LNPK: variants seen among roughly 807,000 people sequenced by gnomAD.
LNPK encodes lunapark, ER junction formation factor.
LNPK carries 29 observed loss-of-function variants against 55.2 expected under a neutral mutation model. The observed-to-expected ratio is 0.53, with a 90% confidence interval of 0.39 to 0.72. LNPK has a LOEUF of 0.72. LNPK is among the 30% of genes least tolerant of loss of function. The pLI is 0.00. For missense variants in LNPK, 467 were observed against 494.8 expected, an observed-to-expected ratio of 0.94 and a Z score of 0.53; for synonymous variants, 162 against 168.2, an observed-to-expected ratio of 0.96 and a Z score of 0.29.
At chr2:175,940,177 C>G (rs1320387943) in intron 9 of LNPK, among the ~76,000 whole-genome samples, 1 of 151,890 alleles carries the variant, frequency 6.6e-6, no homozygotes, top group African/African-American at 2.4e-5. Flanking sequence ...TACAACTGCC[C>G]CAGCTTATTG....
chr2:175,946,660 G>T (rs572589790), intron 9 of LNPK, among the ~76,000 whole-genome samples: 1 of 152,106 alleles, frequency 6.6e-6, no homozygotes, highest in South Asian at 2.1e-4. Flanking sequence ...ATCAGCTACT[G>T]CCTAGCCTCA....
chr2:175,998,116 G>A (rs1043370419), intron 1 of LNPK, among the ~76,000 whole-genome samples: 20 of 152,172 alleles, frequency 1.3e-4, no homozygotes, highest in African/African-American at 4.8e-4. Flanking sequence ...TCTAAGGCAA[G>A]AGAAGTGAAG....
intron 1 of LNPK, among the ~76,000 whole-genome samples, chr2:176,000,020 C>T (rs564363662): frequency 4.1e-4 from 63 of 152,286 alleles, no homozygotes; most frequent in Non-Finnish European, 7.5e-4. Context: ...CCTGCCTTGG[C>T]CTCCCAAAGT....
At chr2:175,951,501 G>C (rs551820444) in intron 8 of LNPK, among the ~76,000 whole-genome samples, 62 of 150,430 alleles carry the variant, frequency 4.1e-4, no homozygotes, top group Middle Eastern at 3.4e-3. Context: ...ACTTCACTTA[G>C]AGTAATAGTC....
chr2:175,987,850 A>T (rs568148879), intron 4 of LNPK, among the ~76,000 whole-genome samples: 1 of 152,322 alleles, frequency 6.6e-6, no homozygotes, highest in African/African-American at 2.4e-5. Flanking sequence ...AACTAAAAAA[A>T]TATGTGTCCT....
intron 8 of LNPK, among the ~76,000 whole-genome samples, chr2:175,949,995 T>A (rs1415804836): frequency 1.3e-5 from 2 of 152,064 alleles, no homozygotes; most frequent in Non-Finnish European, 2.9e-5. Context: ...AACAAAATAG[T>A]CATATTAGAT....
chr2:175,928,655 A>G lies in LNPK; in HGVS notation c.*1312T>C, dbSNP rs1315049786. The G allele has an allele frequency of 6.6e-6, 1 of 152,158 alleles. No homozygotes were observed. The highest frequency in any genetic ancestry group is 2.4e-5 in the African/African-American group (1 of 41,440). 9.4% of individuals were successfully genotyped at this position (152,158 alleles called of 1,614,324 possible). A position where few individuals can be genotyped will look rare whatever the true frequency, so the allele number is the denominator to read the frequency against. On this transcript the variant is annotated 3_prime_UTR_variant, in exon 13 of 13. Coordinates refer to ENST00000272748, the MANE Select transcript of LNPK (RefSeq NM_030650.3). ...CCAAACACACCATTCTTATACAGGT[A>G]TATTTTTCCCTTCAGCATAATAATT...
chr2:175,973,815 G>A (rs1014876406), intron 5 of LNPK, among the ~76,000 whole-genome samples: 1 of 152,174 alleles, frequency 6.6e-6, no homozygotes, highest in African/African-American at 2.4e-5. Context: ...GACTACTCAT[G>A]TTTGTTTTTC....
At chr2:175,991,198 G>C (rs1687684244) in intron 4 of LNPK, among the ~76,000 whole-genome samples, 1 of 151,982 alleles carries the variant, frequency 6.6e-6, no homozygotes, top group Non-Finnish European at 1.5e-5. Context: ...GTATTTAAAA[G>C]TGCTTAAATT....
In LNPK at chr2:176,002,237, A is replaced by G. The variant is rs1159621686; in HGVS notation, c.-140T>C. 1.1e-5 allele frequency: 5 copies of G among 451,954 alleles called. No homozygotes were observed. The highest frequency in any genetic ancestry group is 1.8e-5 in the Non-Finnish European group (4 of 225,804). The allele number at this position is 451,954 out of a possible 1,614,324, so 28.0% of individuals were successfully genotyped here. On this transcript the variant is annotated 5_prime_UTR_variant, in exon 1 of 13. Coordinates refer to ENST00000272748, the MANE Select transcript of LNPK (RefSeq NM_030650.3). ...CCGCCACCGCCCAGCCTGCCTCCAG[A>G]GCAGGCAGCAGCCGCCACTGACAGA... is the stretch of plus-strand genomic sequence containing the variant.
At chr2:175,998,082 T>C (rs1394153342) in intron 1 of LNPK, among the ~76,000 whole-genome samples, 2 of 151,996 alleles carry the variant, frequency 1.3e-5, no homozygotes, top group East Asian at 3.9e-4. Flanking sequence ...GATACTACTA[T>C]CCCTCCATTT....
chr2:175,979,580 A>T (rs1687075383), intron 5 of LNPK, among the ~76,000 whole-genome samples: 3 of 152,092 alleles, frequency 2.0e-5, no homozygotes, highest in Admixed American at 2.0e-4. Context: ...AAAAAAAAAA[A>T]AAAAGTTTGT....
chr2:175,972,255 T>C (rs1686697534), intron 5 of LNPK, among the ~76,000 whole-genome samples: 1 of 152,168 alleles, frequency 6.6e-6, no homozygotes, highest in African/African-American at 2.4e-5. Context: ...ACAAACTTTA[T>C]AGACTAAATT....
intron 8 of LNPK, among the ~76,000 whole-genome samples, chr2:175,957,431 T>C (rs1685750622): frequency 6.6e-6 from 1 of 151,846 alleles, no homozygotes; most frequent in African/African-American, 2.4e-5. Flanking sequence ...ACTTTCCTCA[T>C]TGCTAAAGAT....
chr2:175,943,962 C>T (rs944279133), intron 9 of LNPK, among the ~76,000 whole-genome samples: 1 of 151,866 alleles, frequency 6.6e-6, no homozygotes, highest in African/African-American at 2.4e-5. Context: ...TAGAAGAAAA[C>T]CAGATTGGAA....
Position 175,929,076 on chromosome 2 carries a change from C to A in LNPK, c.*891G>T. 13 of 983,102 alleles carry A rather than the reference C, an allele frequency of 1.3e-5. No homozygotes were observed. The highest frequency in any genetic ancestry group is 1.6e-5 in the Non-Finnish European group (13 of 827,570). 60.9% of individuals were successfully genotyped at this position (983,102 alleles called of 1,614,324 possible). On this transcript the variant is annotated 3_prime_UTR_variant, in exon 13 of 13. Coordinates refer to ENST00000272748, the MANE Select transcript of LNPK (RefSeq NM_030650.3). ...TTTTTCAGGTAGCCAAGTCACCCAC[C>A]AAGATACTGTTTGAAGAAGACTAGA...
chr2:175,999,571 G>A (rs76623600), intron 1 of LNPK, among the ~76,000 whole-genome samples: 1,947 of 152,206 alleles, frequency 0.013, 41 homozygotes, highest in African/African-American at 0.044. Flanking sequence ...AAATACATGG[G>A]AACCGAATAA....
intron 3 of LNPK, among the ~76,000 whole-genome samples, 198 bp downstream of exon 3, chr2:175,992,984 C>G (rs1367584897): frequency 6.6e-6 from 1 of 152,142 alleles, no homozygotes; most frequent in Non-Finnish European, 1.5e-5. Context: ...CTAACTGGCT[C>G]TATTACTTGA....
chr2:175,991,975 A>C (rs898192968), intron 4 of LNPK, among the ~76,000 whole-genome samples: 17 of 152,164 alleles, frequency 1.1e-4, no homozygotes, highest in African/African-American at 3.6e-4. Context: ...GTCATCTACT[A>C]GAAAATCATA....
Sources: allele counts gnomAD v4.1 joint callset (sites outside exome capture counted in the v4.1 genomes callset), GRCh38; gene constraint gnomAD v4.1.1; transcripts MANE v1.5; gene names NCBI Gene and HGNC (gene_info 2026-07-23, HGNC 2026-07-21).